HRH2: variants seen among roughly 807,000 people sequenced by gnomAD.
The protein encoded by HRH2 is histamine receptor H2, also known as histamine H2 receptor.
In HRH2, 4 loss-of-function variants were observed where a neutral mutation model predicts 20.1. That is an observed-to-expected ratio of 0.20 (90% CI 0.10 to 0.45). The LOEUF (loss-of-function observed/expected upper bound fraction) is 0.45, where lower values mean the gene tolerates loss of function less well. Ranked by LOEUF, HRH2 falls within the 20% of genes least tolerant of loss-of-function variation. The pLI, the probability that HRH2 is intolerant of heterozygous loss-of-function variation, is 0.99. For missense variants in HRH2, 250 were observed against 461.6 expected (o/e 0.54, Z 4.20); for synonymous variants, 197 against 200.7 (o/e 0.98, Z 0.16).
At chr5:175,701,280 T>G (rs1756780963) in intron 2 of HRH2, among the ~76,000 whole-genome samples, 1 of 152,162 alleles carries the variant, frequency 6.6e-6, no homozygotes, top group Non-Finnish European at 1.5e-5. Flanking sequence ...TCAAATGACA[T>G]TTATTTAGGA....
chr5:175,697,975 C>A (rs1756660310), intron 2 of HRH2, among the ~76,000 whole-genome samples: 1 of 152,180 alleles, frequency 6.6e-6, no homozygotes, highest in South Asian at 2.1e-4. Flanking sequence ...AACTCCAGAG[C>A]CAGAAATGGC....
intron 2 of HRH2, among the ~76,000 whole-genome samples, chr5:175,701,477 G>A (rs1460589522): frequency 3.9e-5 from 6 of 152,126 alleles, no homozygotes; most frequent in Non-Finnish European, 8.8e-5. Context: ...TCGGCTTCCC[G>A]CTCGGATTGC....
Position 175,684,249 on chromosome 5 carries a change from C to G in HRH2, c.1016C>G (p.Pro339Arg). Residue 339 changes from proline (P) to arginine (R), a missense_variant, in exon 2 of 3, where the codon CCC (proline) becomes CGC (arginine). Physicochemically the swap from Pro to Arg is moderately radical, Grantham distance 103 (BLOSUM62 -2). Coordinates refer to ENST00000636584, the MANE Select transcript of HRH2 (RefSeq NM_001367711.1). ...SREPRQQEEK[P>R]LKLQVWSGTE... ...GAACCCAGGCAACAGGAAGAGAAAC[C>G]CCTGAAGCTCCAGGTGTGGAGTGGG... The G allele has an allele frequency of 3.1e-6, 5 of 1,614,186 alleles. No homozygotes were observed. The highest frequency in any genetic ancestry group is 4.2e-6 in the Non-Finnish European group (5 of 1,180,030).
intron 1 of HRH2, among the ~76,000 whole-genome samples, chr5:175,669,601 C>T (rs1223645357): frequency 1.3e-5 from 2 of 152,080 alleles, no homozygotes; most frequent in African/African-American, 2.4e-5. Flanking sequence ...TGACCTCAAG[C>T]GATCCACCCA....
At chr5:175,692,892 G>C (rs567468793) in intron 2 of HRH2, among the ~76,000 whole-genome samples, 6 of 152,194 alleles carry the variant, frequency 3.9e-5, no homozygotes, top group Non-Finnish European at 7.3e-5. Context: ...CTAATGAGTC[G>C]CTCAAAGTGT....
Position 175,677,119 on chromosome 5 carries a change from C to T in HRH2, c.-525-5590C>T, listed in dbSNP as rs907549396. Among the ~76,000 whole-genome samples, 2 of 152,138 alleles carry T rather than the reference C, an allele frequency of 1.3e-5. No individual in the cohort carries two copies. Among genetic ancestry groups the T allele is most frequent in the African/African-American group, 2.4e-5 (1 of 41,420 alleles). The stretch of plus-strand genomic sequence containing the variant: ...AAGCGATCTTCCCACCTCGGCCTCC[C>T]GAGTAGCCTGCCCTACAGGCGTGCA... On this transcript the variant is annotated intron_variant, in intron 1 of 2. Transcript: ENST00000636584. The surrounding 1 kb of genome is among the most constrained non-coding windows in gnomAD (Gnocchi z 4.2).
chr5:175,668,613 A>T (rs1386836753), intron 1 of HRH2, among the ~76,000 whole-genome samples: 5 of 152,122 alleles, frequency 3.3e-5, no homozygotes, highest in Admixed American at 3.3e-4. Context: ...AGCTGCTGTG[A>T]AGGATGCCTT....
intron 2 of HRH2, among the ~76,000 whole-genome samples, chr5:175,697,020 G>A (rs957720232): frequency 1.3e-5 from 2 of 152,182 alleles, no homozygotes; most frequent in African/African-American, 4.8e-5. Flanking sequence ...CTCGGTCAGG[G>A]CGCTCAACCC....
chr5:175,699,560 C>T (rs1277254011), intron 2 of HRH2, among the ~76,000 whole-genome samples: 3 of 135,744 alleles, frequency 2.2e-5, no homozygotes, highest in Middle Eastern at 3.7e-3. Context: ...CCTCTGCTGT[C>T]GGTTGTTTTT....
intron 1 of HRH2, among the ~76,000 whole-genome samples, chr5:175,667,036 T>C (rs983664906): frequency 2.0e-5 from 3 of 149,932 alleles, no homozygotes; most frequent in African/African-American, 5.1e-5. Flanking sequence ...ATATATGTAA[T>C]GTATAGTCTT....
intron 2 of HRH2, among the ~76,000 whole-genome samples, chr5:175,700,574 G>A (rs758206143): frequency 6.6e-6 from 1 of 152,130 alleles, no homozygotes; most frequent in African/African-American, 2.4e-5. Flanking sequence ...CAGAGGAGAT[G>A]ATACTGAACA....
chr5:175,663,448 G>A (rs987000786), intron 1 of HRH2, among the ~76,000 whole-genome samples: 2 of 152,202 alleles, frequency 1.3e-5, no homozygotes, highest in African/African-American at 4.8e-5. Flanking sequence ...GGCCATTTGT[G>A]TATCTTCTTT....
At position 175,681,237 on chromosome 5, in the gene HRH2, C is replaced by T; in HGVS notation, c.-525-1472C>T. On this transcript the variant is annotated intron_variant, in intron 1 of 2. Coordinates refer to ENST00000636584, the MANE Select transcript of HRH2 (RefSeq NM_001367711.1). This position sits in a 1 kb window ranked among gnomAD's most constrained non-coding sequence, Gnocchi z 4.3. ...CTAAAAATAGTACCCGGAGGTTCAG[C>T]TGCCAGGACTGGTGGCTGAGCCAGG... 6.6e-6 allele frequency among the ~76,000 whole-genome samples: 1 copy of T among 152,180 alleles called. No individual in the cohort carries two copies. Among genetic ancestry groups the T allele is most frequent in the Admixed American group, 6.5e-5 (1 of 15,278 alleles).
chr5:175,676,060 G>GCC (rs565757716), intron 1 of HRH2, among the ~76,000 whole-genome samples: 1 of 152,076 alleles, frequency 6.6e-6, no homozygotes, highest in African/African-American at 2.4e-5. Flanking sequence ...ACTTTTGGAG[G>GCC]CCCCCCCATC....
At position 175,684,197 on chromosome 5, in the gene HRH2, T is replaced by A. The variant is rs1428284757; in HGVS notation, c.964T>A (p.Ser322Thr). Residue 322 changes from serine (S) to threonine (T), a missense_variant, in exon 2 of 3, where the codon TCT (serine) becomes ACT (threonine). Ser to Thr is a moderately conservative substitution (Grantham distance 58, BLOSUM62 1). This residue lies in a region of HRH2 where 55 missense variants were observed against 66.9 expected (regional missense o/e 0.82). Transcript: ENST00000636584. Reference sequence around the variant, plus strand: ...CAAAACTTCTCTGAGGTCCAACGCCTCTCAGCTGTCCAGGACCCAAAGCCG... The same window carrying A: ...CAAAACTTCTCTGAGGTCCAACGCCACTCAGCTGTCCAGGACCCAAAGCCG... ...SHKTSLRSNA[S>T]QLSRTQSREP... 1.9e-6 allele frequency: 3 copies of A among 1,614,082 alleles called. No individual in the cohort carries two copies. The South Asian group carries it at 3.3e-5, about 18-fold the overall frequency.
chr5:175,664,791 C>T lies in HRH2; in HGVS notation c.-526+6636C>T, dbSNP rs531641461. On this transcript the variant is annotated intron_variant, in intron 1 of 2. Transcript: ENST00000636584. ...CTGAGGCTACAGGAGAGCCCCACCA[C>T]CATGCATGCTGCTTTATTTTTTTCT... is the stretch of plus-strand genomic sequence containing the variant. Among the ~76,000 whole-genome samples, 48 of 152,256 alleles carry T rather than the reference C, an allele frequency of 3.2e-4. No homozygotes were observed. The South Asian group carries it at 3.9e-3, about 12-fold the overall frequency.
At chr5:175,668,428 C>T (rs1466730480) in intron 1 of HRH2, among the ~76,000 whole-genome samples, 1 of 152,130 alleles carries the variant, frequency 6.6e-6, no homozygotes, top group Non-Finnish European at 1.5e-5. Flanking sequence ...GGGAATATTA[C>T]TCAGGAAGTT....
intron 1 of HRH2, among the ~76,000 whole-genome samples, chr5:175,674,444 C>T (rs1755686951): frequency 6.6e-6 from 1 of 152,084 alleles, no homozygotes; most frequent in African/African-American, 2.4e-5. Context: ...GTCCAGGTCC[C>T]CCTCTCCCTC....
rs1756073252 is a variant in HRH2, at chr5:175,683,792, G to A, written c.559G>A (p.Gly187Arg). 1 of 1,614,014 alleles carries A rather than the reference G, an allele frequency of 6.2e-7. No homozygotes were observed. The change falls in exon 2 of 3, where the codon GGG becomes AGG. Residue 187 changes from glycine to arginine, a missense_variant. Physicochemically the swap from Gly to Arg is moderately radical, Grantham distance 125 (BLOSUM62 -2). Coordinates refer to ENST00000636584, the MANE Select transcript of HRH2 (RefSeq NM_001367711.1). ...CAATGAAGTGTACGGGCTGGTGGAT[G>A]GGCTGGTCACCTTCTACCTCCCGCT... ...QVNEVYGLVDGLVTFYLPLLI... is the reference protein window; with the variant it reads ...QVNEVYGLVDRLVTFYLPLLI...
Sources: allele counts gnomAD v4.1 joint callset (sites outside exome capture counted in the v4.1 genomes callset), GRCh38; gene constraint gnomAD v4.1.1; regional missense constraint gnomAD v4.1.1; non-coding constraint Gnocchi (gnomAD v3.1); transcripts MANE v1.5; gene names NCBI Gene and HGNC (gene_info 2026-07-23, HGNC 2026-07-21).